Variants in PTPRG observed in about 807,000 individuals in gnomAD.
The protein encoded by PTPRG is receptor-type tyrosine-protein phosphatase gamma.
In PTPRG, 102 loss-of-function variants were observed where a neutral mutation model predicts 165.3. That is an observed-to-expected ratio of 0.62 (90% confidence interval 0.53 to 0.73). The LOEUF is 0.73. Among genes scored for constraint, PTPRG ranks in the 30% least tolerant of loss-of-function variants. The pLI is 0.00. For missense variants in PTPRG, 1,866 were observed against 1,861.4 expected (o/e 1.00, Z -0.05); for synonymous variants, 675 against 669.5 (o/e 1.01, Z -0.13).
At chr3:62,272,661 C>T (rs116243285) in intron 21 of PTPRG, among the ~76,000 whole-genome samples, 3 of 151,976 alleles carry the variant, frequency 2.0e-5, no homozygotes, top group Non-Finnish European at 4.4e-5. Context: ...CTGGCCAACA[C>T]GGTGAAACCT....
intron 1 of PTPRG, among the ~76,000 whole-genome samples, chr3:61,718,225 A>C (rs1355992805): frequency 2.6e-5 from 4 of 151,882 alleles, no homozygotes; most frequent in African/African-American, 7.2e-5. Flanking sequence ...AAAAAAAAAA[A>C]AAAACGCAGA....
chr3:61,702,143 T>A (rs1291221629), intron 1 of PTPRG, among the ~76,000 whole-genome samples: 1 of 151,964 alleles, frequency 6.6e-6, no homozygotes, highest in Non-Finnish European at 1.5e-5. Context: ...CACACCTGGA[T>A]AATGTTTGTA....
chr3:62,076,144 C>T (rs1434694731), intron 4 of PTPRG, among the ~76,000 whole-genome samples: 1 of 151,808 alleles, frequency 6.6e-6, no homozygotes, highest in African/African-American at 2.4e-5. Flanking sequence ...AAAACTAGCC[C>T]GATATGGTGG....
chr3:62,177,497 A>T (rs1705469581), intron 8 of PTPRG, among the ~76,000 whole-genome samples: 1 of 152,204 alleles, frequency 6.6e-6, no homozygotes, highest in Admixed American at 6.5e-5. Flanking sequence ...CGTATTTCAG[A>T]ATAAGGGTGC....
chr3:61,748,773 A>G, intron 1 of PTPRG, 105 bp from the exon 2 acceptor site: 2 of 854,618 alleles, frequency 2.3e-6, no homozygotes, highest in Non-Finnish European at 1.9e-6. Context: ...AGTCATCCTC[A>G]AGGACTATGA....
At chr3:61,705,585 G>A (rs1038154104) in intron 1 of PTPRG, among the ~76,000 whole-genome samples, 3 of 152,162 alleles carry the variant, frequency 2.0e-5, no homozygotes, top group Admixed American at 1.3e-4. Flanking sequence ...GGAGTAGGAG[G>A]TGTATAACTG....
intron 5 of PTPRG, among the ~76,000 whole-genome samples, chr3:62,112,787 G>T (rs931492630): frequency 1.3e-5 from 2 of 152,172 alleles, no homozygotes; most frequent in Non-Finnish European, 1.5e-5. Flanking sequence ...ATGTATGTAC[G>T]TTCGTGTCTG....
intron 1 of PTPRG, among the ~76,000 whole-genome samples, chr3:61,728,977 G>A (rs1231434287): frequency 6.6e-6 from 1 of 151,870 alleles, no homozygotes; most frequent in Non-Finnish European, 1.5e-5. Flanking sequence ...TGGGAGGATC[G>A]CTTGAGTTTG....
intron 4 of PTPRG, among the ~76,000 whole-genome samples, chr3:62,061,774 G>A (rs1017352623): frequency 3.6e-5 from 4 of 110,848 alleles, no homozygotes; most frequent in African/African-American, 9.0e-5. Context: ...GATTATAGGC[G>A]CCCGCCACCA....
chr3:62,133,964 CAG>C (rs558083605), intron 6 of PTPRG, among the ~76,000 whole-genome samples: 1 of 151,950 alleles, frequency 6.6e-6, no homozygotes. Context: ...GCCTGGACAA[CAG>C]AGAGAGATTC....
At chr3:61,785,669 G>A (rs1250678811) in intron 2 of PTPRG, among the ~76,000 whole-genome samples, 2 of 152,162 alleles carry the variant, frequency 1.3e-5, no homozygotes, top group African/African-American at 4.8e-5. Flanking sequence ...AATATTCTGT[G>A]TCGAATTGAA....
At chr3:62,076,755 A>AT (rs60323847) in intron 4 of PTPRG, among the ~76,000 whole-genome samples, 6,668 of 151,268 alleles carry the variant, frequency 0.044, 484 homozygotes, top group African/African-American at 0.15. Context: ...CTAATTTTGT[A>AT]TTTTTTGTAG....
intron 1 of PTPRG, among the ~76,000 whole-genome samples, chr3:61,629,476 A>C (rs931914996): frequency 6.6e-6 from 1 of 152,170 alleles, no homozygotes; most frequent in Non-Finnish European, 1.5e-5. Context: ...TTATACCTCA[A>C]ATGTTTTCTG....
intron 2 of PTPRG, among the ~76,000 whole-genome samples, chr3:61,950,852 A>G (rs1002738557): frequency 2.6e-5 from 4 of 152,346 alleles, no homozygotes; most frequent in African/African-American, 7.2e-5. Context: ...TGCATGGCAT[A>G]TACGTAAATA....
intron 2 of PTPRG, among the ~76,000 whole-genome samples, chr3:61,822,299 A>T (rs2035978605): frequency 6.6e-6 from 1 of 152,210 alleles, no homozygotes; most frequent in Non-Finnish European, 1.5e-5. Flanking sequence ...TAATTGGAAA[A>T]GGTAAAAGCC....
chr3:61,575,691 C>T (rs1421810545), intron 1 of PTPRG, among the ~76,000 whole-genome samples: 6 of 151,478 alleles, frequency 4.0e-5, no homozygotes, highest in African/African-American at 2.4e-5. Flanking sequence ...CTCTGCCTCC[C>T]GGGTTCAAGC....
At chr3:61,790,743 T>C (rs2034845667) in intron 2 of PTPRG, among the ~76,000 whole-genome samples, 1 of 148,014 alleles carries the variant, frequency 6.8e-6, no homozygotes, top group Admixed American at 6.9e-5. Context: ...TTGACTTCTG[T>C]GATTTTTTTT....
At chr3:62,007,925 T>C (rs985055026) in intron 4 of PTPRG, among the ~76,000 whole-genome samples, 14 of 152,216 alleles carry the variant, frequency 9.2e-5, no homozygotes, top group African/African-American at 3.4e-4. Context: ...CTGCTGTAAA[T>C]ACGTTACTTT....
intron 1 of PTPRG, among the ~76,000 whole-genome samples, chr3:61,598,829 C>T (rs1312819793): frequency 6.6e-6 from 1 of 152,078 alleles, no homozygotes; most frequent in East Asian, 1.9e-4. Context: ...GGTCTTTTGA[C>T]ATTCTTTGGC....
Sources: allele counts gnomAD v4.1 joint callset (sites outside exome capture counted in the v4.1 genomes callset), GRCh38; gene constraint gnomAD v4.1.1; transcripts MANE v1.5; gene names NCBI Gene and HGNC (gene_info 2026-07-23, HGNC 2026-07-21).